The following WIPF1 variants were observed in gnomAD, a reference collection of about 807,000 sequenced individuals.
WIPF1 encodes WAS/WASL-interacting protein family member 1.
In WIPF1, 13 loss-of-function variants were observed where a neutral mutation model predicts 35.4. That is an observed-to-expected ratio of 0.37 (90% CI 0.24 to 0.58). WIPF1 has a LOEUF of 0.58. Among genes scored for constraint, WIPF1 ranks in the 20% least tolerant of loss-of-function variants. The probability of loss-of-function intolerance (pLI) is 0.74; values close to 1 mark genes in which losing one functional copy is unlikely to be tolerated. For synonymous variants in WIPF1, 267 were observed against 266.3 expected (o/e 1.00, Z -0.02); for missense variants, 591 against 667.0 (o/e 0.89, Z 1.25).
intron 1 of WIPF1, among the ~76,000 whole-genome samples, chr2:174,658,337 C>T (rs2105971105): frequency 6.6e-6 from 1 of 152,322 alleles, no homozygotes; most frequent in East Asian, 1.9e-4. Flanking sequence ...AGGCTGAACC[C>T]TTTCACATAA....
At chr2:174,651,550 A>G (rs1687532939) in intron 1 of WIPF1, among the ~76,000 whole-genome samples, 1 of 152,178 alleles carries the variant, frequency 6.6e-6, no homozygotes, top group African/African-American at 2.4e-5. Flanking sequence ...TTAACTGGTT[A>G]GCGAACTCCC....
At chr2:174,659,705 A>C (rs1457903335) in intron 1 of WIPF1, among the ~76,000 whole-genome samples, 3 of 152,164 alleles carry the variant, frequency 2.0e-5, no homozygotes, top group Non-Finnish European at 4.4e-5. Flanking sequence ...TGATTACAGA[A>C]CTCAGTCGTT....
At chr2:174,596,528 CTTAG>C (rs1032403418) in intron 1 of WIPF1, among the ~76,000 whole-genome samples, 1 of 152,176 alleles carries the variant, frequency 6.6e-6, no homozygotes, top group Non-Finnish European at 1.5e-5. Context: ...TCTTACTTTG[CTTAG>C]TTAGAATCTT....
At chr2:174,621,257 CAT>C (rs1215869344) in intron 1 of WIPF1, among the ~76,000 whole-genome samples, 1 of 152,018 alleles carries the variant, frequency 6.6e-6, no homozygotes, top group African/African-American at 2.4e-5. Flanking sequence ...AATAATAAGA[CAT>C]AGAGACTAAT....
intron 4 of WIPF1, 173 bp downstream of exon 4, chr2:174,575,031 G>A (rs1685000850): frequency 2.3e-6 from 2 of 871,348 alleles, no homozygotes; most frequent in South Asian, 2.8e-5. Context: ...GTCTGATCCT[G>A]GTTAATAATA....
At chr2:174,669,940 G>A (rs533861293) in intron 1 of WIPF1, among the ~76,000 whole-genome samples, 103 of 152,240 alleles carry the variant, frequency 6.8e-4, no homozygotes, top group Non-Finnish European at 1.3e-3. Context: ...AGAGGAGTGC[G>A]GAAGTGTTTC....
chr2:174,627,904 T>G (rs1224412028), intron 1 of WIPF1, among the ~76,000 whole-genome samples: 1 of 152,130 alleles, frequency 6.6e-6, no homozygotes, highest in Non-Finnish European at 1.5e-5. Flanking sequence ...TTTTTAATTT[T>G]AATAATGTTT....
At chr2:174,663,517 C>T (rs1237494938) in intron 1 of WIPF1, among the ~76,000 whole-genome samples, 2 of 150,852 alleles carry the variant, frequency 1.3e-5, no homozygotes, top group Non-Finnish European at 3.0e-5. Context: ...CTGAAGTTTC[C>T]TGGGGAAAAA....
chr2:174,629,825 G>A (rs1449905031), intron 1 of WIPF1: 2 of 152,164 alleles, frequency 1.3e-5, no homozygotes, highest in East Asian at 3.9e-4. Context: ...CATTCTACAG[G>A]TCTCTAAATG....
At position 174,675,566 on chromosome 2, in the gene WIPF1, C is replaced by G. The variant is rs186740211; in HGVS notation, c.-39+7208G>C. Reference sequence around the variant, plus strand: ...GACAGAGTCTGCTATGTTGCCCAAGCTGGTCTCGATCTCCTGGGTTCAAGT... The same window carrying G: ...GACAGAGTCTGCTATGTTGCCCAAGGTGGTCTCGATCTCCTGGGTTCAAGT... On this transcript the variant is annotated intron_variant, in intron 1 of 8. Coordinates refer to the WIPF1 transcript ENST00000272746. 1.2e-4 allele frequency among the ~76,000 whole-genome samples: 19 copies of G among 152,136 alleles called. No homozygotes were observed. In the East Asian group the frequency reaches 3.3e-3, roughly 26 times the overall value.
At position 174,583,760 on chromosome 2, in the gene WIPF1, C is replaced by T. The variant is rs558109294; in HGVS notation, c.51+1763G>A. On this transcript the variant is annotated intron_variant, in intron 2 of 7. Transcript: ENST00000679041. ...TTGGGGAAACATGGATAAATGAATC[C>T]TGCTATGTAAGCCAGATTGGAGGTT... 1.4e-4 allele frequency among the ~76,000 whole-genome samples: 22 copies of T among 152,298 alleles called. No homozygotes were observed. The East Asian group carries it at 4.2e-3, about 29-fold the overall frequency.
chr2:174,657,998 G>T (rs537533081), intron 1 of WIPF1, among the ~76,000 whole-genome samples: 149 of 150,598 alleles, frequency 9.9e-4, no homozygotes, highest in Non-Finnish European at 1.5e-3. Context: ...TTGACTAGAT[G>T]CCCCCTCGGA....
upstream of WIPF1, among the ~76,000 whole-genome samples, chr2:174,602,692 T>C (rs1229898350): frequency 2.6e-5 from 4 of 152,310 alleles, no homozygotes; most frequent in East Asian, 7.7e-4. Context: ...ACATACAGGG[T>C]TGATCATTTA....
At chr2:174,608,323 C>T (rs1203355948) in intron 1 of WIPF1, among the ~76,000 whole-genome samples, 2 of 152,188 alleles carry the variant, frequency 1.3e-5, no homozygotes, top group Non-Finnish European at 2.9e-5. Flanking sequence ...TGCCAGTACC[C>T]TAGATGCTGA....
chr2:174,676,654 G>A (rs1220146765), intron 1 of WIPF1: 1 of 151,858 alleles, frequency 6.6e-6, no homozygotes, highest in East Asian at 1.9e-4. Context: ...CCAAAGCAAG[G>A]GATGCAAAAC....
chr2:174,569,609 G>T (rs1199856768), intron 5 of WIPF1, among the ~76,000 whole-genome samples: 1 of 152,100 alleles, frequency 6.6e-6, no homozygotes, highest in Non-Finnish European at 1.5e-5. Context: ...CAATAGAAAA[G>T]AAAACAGATT....
At chr2:174,612,427 AT>A (rs1463201943) in intron 1 of WIPF1, among the ~76,000 whole-genome samples, 2 of 152,064 alleles carry the variant, frequency 1.3e-5, no homozygotes, top group African/African-American at 4.8e-5. Context: ...CTATGTAAAT[AT>A]TTTTTATTGT....
intron 1 of WIPF1, among the ~76,000 whole-genome samples, chr2:174,662,369 G>A (rs1269685228): frequency 2.0e-5 from 3 of 152,102 alleles, no homozygotes; most frequent in African/African-American, 2.4e-5. Context: ...CCCATACATC[G>A]GTGAGGCCTG....
intron 1 of WIPF1, among the ~76,000 whole-genome samples, chr2:174,651,975 A>G (rs1687542438): frequency 6.6e-6 from 1 of 152,240 alleles, no homozygotes; most frequent in African/African-American, 2.4e-5. Context: ...AGGATAAGGT[A>G]TAGACTCAAC....
Sources: gnomAD v4.1 joint callset for allele counts (sites outside exome capture counted in the v4.1 genomes callset) on GRCh38, gnomAD v4.1.1 for gene constraint, MANE v1.5 for transcripts, NCBI Gene and HGNC (gene_info 2026-07-23, HGNC 2026-07-21) for gene names.